NFATC3: variants seen among roughly 807,000 people sequenced by gnomAD.
NFATC3 encodes the protein nuclear factor of activated T-cells, cytoplasmic 3.
A neutral mutation model predicts 98.6 loss-of-function variants in NFATC3; 46 were observed. The observed-to-expected ratio is 0.47, with a 90% CI of 0.37 to 0.60. NFATC3 has a LOEUF of 0.60. Among genes scored for constraint, NFATC3 ranks in the 20% least tolerant of loss-of-function variants. The pLI is 0.00. For missense variants in NFATC3, 1,256 were observed against 1,295.5 expected, an observed-to-expected ratio of 0.97 and a Z score of 0.47; for synonymous variants, 512 against 472.2, an observed-to-expected ratio of 1.08 and a Z score of -1.09.
intron 2 of NFATC3, among the ~76,000 whole-genome samples, chr16:68,124,003 A>AG (rs2036691604): frequency 6.6e-6 from 1 of 152,116 alleles, no homozygotes; most frequent in Admixed American, 6.6e-5. Context: ...TACAAAAAAA[A>AG]AAAGAACCTA....
chr16:68,113,050 G>A (rs1044128406), intron 1 of NFATC3, among the ~76,000 whole-genome samples: 4 of 152,144 alleles, frequency 2.6e-5, no homozygotes, highest in African/African-American at 7.2e-5. Context: ...TTAGCTCAGC[G>A]AAGTTTGTTA....
intron 1 of NFATC3, among the ~76,000 whole-genome samples, chr16:68,096,312 T>TGAAAGAA (rs1567494294): frequency 6.6e-6 from 1 of 152,186 alleles, no homozygotes; most frequent in African/African-American, 2.4e-5. Context: ...CGAAGGCTCA[T>TGAAAGAA]CTGAAAGAAA....
At chr16:68,085,939 T>G (rs1359297865) in intron 1 of NFATC3, 155 bp downstream of exon 1, 3 of 540,642 alleles carry the variant, frequency 5.5e-6, no homozygotes, top group Non-Finnish European at 9.0e-6. Flanking sequence ...CGGATTTAAA[T>G]CGCTGAGGAG....
At chr16:68,196,597 G>A (rs1263503129) in intron 9 of NFATC3, among the ~76,000 whole-genome samples, 2 of 152,120 alleles carry the variant, frequency 1.3e-5, no homozygotes, top group Non-Finnish European at 2.9e-5. Context: ...GGAGGCTGAG[G>A]CAGGGAGAAT....
intron 3 of NFATC3, among the ~76,000 whole-genome samples, chr16:68,151,041 G>A (rs1265380346): frequency 6.6e-6 from 1 of 152,108 alleles, no homozygotes; most frequent in East Asian, 1.9e-4. Flanking sequence ...ATAGCAGTAT[G>A]AGAATGGACT....
intron 1 of NFATC3, among the ~76,000 whole-genome samples, chr16:68,100,894 TGTGTGTGTGTGGG>T (rs1235231087): frequency 1.4e-5 from 2 of 144,888 alleles, no homozygotes; most frequent in Non-Finnish European, 3.1e-5. Flanking sequence ...GTTCTGTGTG[TGTGTGTGTGTGGG>T]GTGTGTGTGT....
chr16:68,167,807 G>GTTTTTTTTTTTTTTTTTT (rs1263970399), intron 5 of NFATC3, among the ~76,000 whole-genome samples: 1 of 23,588 alleles, frequency 4.2e-5, no homozygotes, highest in African/African-American at 1.1e-4. Flanking sequence ...AACCGTATGT[G>GTTTTTTTTTTTTTTTTTT]TTCTTTTTTT....
chr16:68,172,897 A>C (rs1440272075), intron 5 of NFATC3, among the ~76,000 whole-genome samples: 1 of 152,204 alleles, frequency 6.6e-6, no homozygotes, highest in Non-Finnish European at 1.5e-5. Flanking sequence ...TCTCCAGAAA[A>C]TGTAGCAACT....
At chr16:68,088,589 A>C (rs1037366597) in intron 1 of NFATC3, 6 of 150,984 alleles carry the variant, frequency 4.0e-5, no homozygotes, top group Non-Finnish European at 7.4e-5. Context: ...GCTGGGATGC[A>C]GTGGCGTGAT....
chr16:68,135,087 C>T (rs1175139238), intron 3 of NFATC3, among the ~76,000 whole-genome samples: 1 of 151,794 alleles, frequency 6.6e-6, no homozygotes, highest in Admixed American at 6.6e-5. Context: ...TCCACGATAT[C>T]TTTGTGTTGG....
chr16:68,153,381 C>T (rs1255227777), intron 3 of NFATC3, among the ~76,000 whole-genome samples: 2 of 152,150 alleles, frequency 1.3e-5, no homozygotes, highest in African/African-American at 4.8e-5. Flanking sequence ...AGGATTGCGC[C>T]ATTGCACTCC....
At chr16:68,094,596 C>G (rs1567493424) in intron 1 of NFATC3, among the ~76,000 whole-genome samples, 1 of 152,116 alleles carries the variant, frequency 6.6e-6, no homozygotes, top group African/African-American at 2.4e-5. Context: ...TTCTCTCTCT[C>G]TTGTACATAC....
chr16:68,155,458 G>C (rs2038557786), intron 3 of NFATC3, among the ~76,000 whole-genome samples: 1 of 152,186 alleles, frequency 6.6e-6, no homozygotes, highest in Non-Finnish European at 1.5e-5. Flanking sequence ...CAGAAATAAA[G>C]AGCAAGACTG....
At position 68,085,723 on chromosome 16, in the gene NFATC3, C is replaced by T. The variant is rs745739960; in HGVS notation, c.42C>T (p.Phe14=). Residue 14 remains phenylalanine, a synonymous_variant, in exon 1 of 10, where the codon TTC becomes TTT. Transcript: ENST00000346183. ...ANCGAHDELD[F]KLVFGEDGAP... ...GTGGCGCCCACGACGAGCTCGACTT[C>T]AAACTCGTCTTTGGCGAGGACGGGG... 2 of 1,514,140 alleles carry T rather than the reference C, an allele frequency of 1.3e-6. No homozygotes were observed. Among genetic ancestry groups the T allele is most frequent in the Non-Finnish European group, 1.8e-6 (2 of 1,133,166 alleles). 93.8% of individuals were successfully genotyped at this position (1,514,140 alleles called of 1,614,324 possible).
At position 68,199,381 on chromosome 16, in the gene NFATC3, G is replaced by T. The variant is rs1169327804; in HGVS notation, c.3106+7606G>T. Among the ~76,000 whole-genome samples the T allele has an allele frequency of 4.0e-5, 6 of 148,586 alleles. No individual in the cohort carries two copies. In the Admixed American group the frequency reaches 4.0e-4, roughly 10 times the overall value. On this transcript the variant is annotated intron_variant, in intron 9 of 9. Coordinates refer to ENST00000346183, the MANE Select transcript of NFATC3 (RefSeq NM_173165.3). ...TGGGACTACAGGCGCCCGCCACCAC[G>T]CCCGGCTAATTTTTTGTATTTTTTA...
At chr16:68,169,179 T>C (rs2039348494) in intron 5 of NFATC3, among the ~76,000 whole-genome samples, 1 of 152,222 alleles carries the variant, frequency 6.6e-6, no homozygotes, top group East Asian at 1.9e-4. Flanking sequence ...GTTCTCTTGC[T>C]TAGAAACAGC....
rs531146443 is a variant in NFATC3, at chr16:68,193,734, A to G, written c.3106+1959A>G. 6.6e-5 allele frequency among the ~76,000 whole-genome samples: 10 copies of G among 152,302 alleles called. No homozygotes were observed. In the South Asian group the frequency reaches 2.1e-3, roughly 32 times the overall value. On this transcript the variant is annotated intron_variant, in intron 9 of 9. Transcript: ENST00000346183. ...CACATTCGAGAATATTCTTTTTTAG[A>G]TCCATGTTTGGTTGAAAAAAGCTGT...
chr16:68,184,420 T>C (rs560468883), intron 8 of NFATC3, among the ~76,000 whole-genome samples: 13 of 152,292 alleles, frequency 8.5e-5, no homozygotes, highest in South Asian at 4.1e-4. Flanking sequence ...TTAGGTTTTT[T>C]CCGCAAAAAA....
intron 3 of NFATC3, 131 bp downstream of exon 3, chr16:68,126,741 G>A: frequency 1.3e-6 from 1 of 770,744 alleles, no homozygotes; most frequent in South Asian, 2.6e-5. Flanking sequence ...TGTTTTGGGG[G>A]CTTGTTGATG....
Sources: gnomAD v4.1 joint callset for allele counts (sites outside exome capture counted in the v4.1 genomes callset) on GRCh38, gnomAD v4.1.1 for gene constraint, MANE v1.5 for transcripts, NCBI Gene and HGNC (gene_info 2026-07-23, HGNC 2026-07-21) for gene names.